PHF14: variants seen among roughly 807,000 people sequenced by gnomAD.
PHF14 encodes PHD finger protein 14.
Under a neutral mutation model 117.9 loss-of-function variants are expected in PHF14, and 55 were observed. The ratio of observed to expected loss-of-function variants is 0.47; its 90% CI spans 0.38 to 0.58. The LOEUF (loss-of-function observed/expected upper bound fraction) is 0.58. PHF14 is among the 20% of genes least tolerant of loss of function. PHF14 has a pLI of 0.00. For synonymous variants in PHF14, 409 were observed against 368.6 expected, an observed-to-expected ratio of 1.11 and a Z score of -1.26; for missense variants, 978 against 1,122.2, an observed-to-expected ratio of 0.87 and a Z score of 1.84.
chr7:11,148,616 CTG>C (rs1214915445), intron 17 of PHF14, among the ~76,000 whole-genome samples: 1 of 152,146 alleles, frequency 6.6e-6, no homozygotes, highest in African/African-American at 2.4e-5. Context: ...TTGCCTGTCT[CTG>C]TTGAAATTGA....
chr7:11,095,721 G>A (rs1426315533), intron 16 of PHF14, among the ~76,000 whole-genome samples: 1 of 152,136 alleles, frequency 6.6e-6, no homozygotes, highest in East Asian at 1.9e-4. Flanking sequence ...TATTTTCTGT[G>A]TTTCAAATGA....
chr7:11,036,794 T>A, intron 9 of PHF14, 106 bp downstream of exon 9: 1 of 1,048,238 alleles, frequency 9.5e-7, no homozygotes, highest in Non-Finnish European at 1.4e-6. Flanking sequence ...ATGCTGCATA[T>A]ATCATAGAGG....
At chr7:11,156,242 A>G (rs966201815) in intron 17 of PHF14, among the ~76,000 whole-genome samples, 1 of 152,256 alleles carries the variant, frequency 6.6e-6, no homozygotes, top group Non-Finnish European at 1.5e-5. Context: ...CACTGATAAT[A>G]AAGTGCCACT....
intron 16 of PHF14, among the ~76,000 whole-genome samples, chr7:11,090,854 A>C (rs543429708): frequency 6.6e-6 from 1 of 152,338 alleles, no homozygotes; most frequent in African/African-American, 2.4e-5. Flanking sequence ...CCAAGGTGAC[A>C]GGTGAATTGA....
At chr7:11,157,776 A>G (rs966746526) in intron 17 of PHF14, among the ~76,000 whole-genome samples, 2 of 152,204 alleles carry the variant, frequency 1.3e-5, no homozygotes, top group Non-Finnish European at 2.9e-5. Context: ...CTGGCAGTAA[A>G]TACTCATTTA....
At chr7:11,166,111 A>G (rs1789195537) in intron 17 of PHF14, among the ~76,000 whole-genome samples, 1 of 152,226 alleles carries the variant, frequency 6.6e-6, no homozygotes, top group Non-Finnish European at 1.5e-5. Flanking sequence ...TGTTATAGTC[A>G]GTGTATTTTT....
chr7:11,150,980 A>G (rs1788685576), intron 17 of PHF14, among the ~76,000 whole-genome samples: 1 of 152,030 alleles, frequency 6.6e-6, no homozygotes, highest in Admixed American at 6.5e-5. Flanking sequence ...AAAGAAAAGT[A>G]AAAGAACTAC....
intron 17 of PHF14, among the ~76,000 whole-genome samples, chr7:11,161,357 A>G (rs1214626780): frequency 1.3e-5 from 2 of 152,322 alleles, no homozygotes; most frequent in African/African-American, 4.8e-5. Flanking sequence ...TAAAGAAGGC[A>G]TTGTTTCCAC....
At chr7:11,069,429 G>C (rs546914861) in intron 16 of PHF14, among the ~76,000 whole-genome samples, 1 of 152,212 alleles carries the variant, frequency 6.6e-6, no homozygotes, top group South Asian at 2.1e-4. Context: ...ACAGGTATTT[G>C]AACAGTGTTT....
intron 17 of PHF14, among the ~76,000 whole-genome samples, chr7:11,115,581 TC>T (rs1171915862): frequency 6.6e-6 from 1 of 152,026 alleles, no homozygotes; most frequent in African/African-American, 2.4e-5. Context: ...CAGTGTTTTT[TC>T]ATTCTTCTTC....
chr7:11,034,731 T>C (rs1167631136), intron 7 of PHF14, among the ~76,000 whole-genome samples: 1 of 151,910 alleles, frequency 6.6e-6, no homozygotes, highest in Admixed American at 6.6e-5. Context: ...GTACTTTTAG[T>C]AGAGACAGGC....
chr7:11,079,189 T>C (rs1398492503), intron 16 of PHF14, among the ~76,000 whole-genome samples: 2 of 152,200 alleles, frequency 1.3e-5, no homozygotes, highest in African/African-American at 4.8e-5. Flanking sequence ...AAGGAGCTTC[T>C]TCTAATTCTG....
In PHF14 at chr7:11,033,465, A is replaced by G. The variant is rs539423919; in HGVS notation, c.1456-2175A>G. Among the ~76,000 whole-genome samples, 4 of 149,020 alleles carry G rather than the reference A, an allele frequency of 2.7e-5. No homozygotes were observed. In the East Asian group the frequency reaches 7.7e-4, roughly 29 times the overall value. On this transcript the variant is annotated intron_variant, in intron 7 of 17. Transcript: ENST00000634607. Reference sequence around the variant, plus strand: ...GAGTAGGCAGCTTCCTTTCAAGGGCATGGTCTGGGCATTTCATACAACTTA... The same window carrying G: ...GAGTAGGCAGCTTCCTTTCAAGGGCGTGGTCTGGGCATTTCATACAACTTA...
intron 6 of PHF14, among the ~76,000 whole-genome samples, chr7:11,027,832 G>A (rs774489587): frequency 9.2e-5 from 14 of 152,030 alleles, no homozygotes. Flanking sequence ...AATTAGTATA[G>A]CTTGATGGTG....
intron 16 of PHF14, among the ~76,000 whole-genome samples, chr7:11,077,969 G>T (rs1662563435): frequency 6.6e-6 from 1 of 152,164 alleles, no homozygotes; most frequent in Admixed American, 6.5e-5. Context: ...ATTTCAAGAA[G>T]ATATAACCTC....
chr7:11,094,342 G>A (rs1490091609), intron 16 of PHF14, among the ~76,000 whole-genome samples: 2 of 152,086 alleles, frequency 1.3e-5, no homozygotes, highest in African/African-American at 4.8e-5. Context: ...AGTGTTTGGG[G>A]GTAGAACCCA....
intron 17 of PHF14, among the ~76,000 whole-genome samples, chr7:11,141,263 G>A (rs1429496633): frequency 6.6e-6 from 1 of 152,006 alleles, no homozygotes; most frequent in Non-Finnish European, 1.5e-5. Context: ...TCTTGTTTCT[G>A]TCAGGGTTAT....
intron 16 of PHF14, chr7:11,105,420 A>G (rs1787224892): frequency 1.0e-6 from 1 of 959,254 alleles, no homozygotes. Flanking sequence ...ACTCACCACT[A>G]TTTTACTTGA....
intron 16 of PHF14, among the ~76,000 whole-genome samples, chr7:11,077,376 G>T (rs1785903722): frequency 6.6e-6 from 1 of 151,696 alleles, no homozygotes; most frequent in Non-Finnish European, 1.5e-5. Flanking sequence ...GCTGAGGTGG[G>T]CAGATCACAA....
Sources: gnomAD v4.1 joint callset for allele counts (sites outside exome capture counted in the v4.1 genomes callset) on GRCh38, gnomAD v4.1.1 for gene constraint, MANE v1.5 for transcripts, NCBI Gene and HGNC (gene_info 2026-07-23, HGNC 2026-07-21) for gene names.